The following CDC23 variants were observed in gnomAD, a reference collection of about 807,000 sequenced individuals.
CDC23 encodes the protein cell division cycle protein 23 homolog.
A neutral mutation model predicts 81.7 loss-of-function variants in CDC23; 26 were observed. The ratio of observed to expected loss-of-function variants is 0.32; its 90% confidence interval spans 0.23 to 0.44. The LOEUF (loss-of-function observed/expected upper bound fraction) is 0.44, where lower values mean the gene tolerates loss of function less well. Among genes scored for constraint, CDC23 ranks in the 20% least tolerant of loss-of-function variants. The probability of loss-of-function intolerance (pLI) is 1.00; values close to 1 mark genes in which losing one functional copy is unlikely to be tolerated. For synonymous variants in CDC23, 267 were observed against 270.8 expected (o/e 0.99, Z 0.14); for missense variants, 519 against 728.0 (o/e 0.71, Z 3.30).
chr5:138,202,272 G>A, intron 3 of CDC23, 117 bp from the exon 4 acceptor site: 1 of 672,540 alleles, frequency 1.5e-6, no homozygotes, highest in Middle Eastern at 4.0e-4. Context: ...ATCGACTTTT[G>A]GTCATTATTT....
At chr5:138,206,348 T>C in intron 3 of CDC23, 199 bp downstream of exon 3, 1 of 619,018 alleles carries the variant, frequency 1.6e-6, no homozygotes, top group Non-Finnish European at 2.9e-6. Context: ...ACTTATCCTG[T>C]TAGTCATTCC....
At chr5:138,193,959 C>CA (rs79351836) in intron 9 of CDC23, among the ~76,000 whole-genome samples, 2,774 of 120,434 alleles carry the variant, frequency 0.023, 64 homozygotes, top group African/African-American at 0.066. Flanking sequence ...ACTCCGTCTC[C>CA]AAAAAAAAAA....
At chr5:138,197,243 T>C (rs2967783) in intron 9 of CDC23, among the ~76,000 whole-genome samples, 3,424 of 147,544 alleles carry the variant, frequency 0.023, 78 homozygotes, top group Middle Eastern at 0.038. Flanking sequence ...GAGGCAGAGC[T>C]TTCAGTGAGC....
At chr5:138,194,883 G>A (rs561693963) in intron 9 of CDC23, among the ~76,000 whole-genome samples, 17 of 151,410 alleles carry the variant, frequency 1.1e-4, no homozygotes, top group South Asian at 8.3e-4. Context: ...CACCATGCCC[G>A]GCTAATTTTC....
intron 9 of CDC23, among the ~76,000 whole-genome samples, chr5:138,193,424 T>C (rs1213877587): frequency 6.6e-6 from 1 of 151,272 alleles, no homozygotes; most frequent in African/African-American, 2.4e-5. Flanking sequence ...GGCAAAACCC[T>C]GTCTCTACTA....
intron 6 of CDC23, chr5:138,200,842 C>T: frequency 2.5e-6 from 1 of 399,342 alleles, no homozygotes; most frequent in South Asian, 4.0e-5. Flanking sequence ...AAACAAGTCA[C>T]AATAGAACTG....
intron 9 of CDC23, among the ~76,000 whole-genome samples, chr5:138,194,732 T>C (rs1754864495): frequency 6.7e-6 from 1 of 150,188 alleles, no homozygotes; most frequent in Non-Finnish European, 1.5e-5. Context: ...TTTTTTTTTT[T>C]TTTTTTGAGA....
chr5:138,194,397 G>A (rs1754860266), intron 9 of CDC23, among the ~76,000 whole-genome samples: 1 of 152,120 alleles, frequency 6.6e-6, no homozygotes, highest in Non-Finnish European at 1.5e-5. Flanking sequence ...ACTCCAGCCT[G>A]GTGACAGAGA....
rs1213207068 is a variant in CDC23 at position 138,189,744 on chromosome 5, T to C, written c.1512A>G (p.Val504=). The change falls in exon 15 of 16, where the codon GTA becomes GTG. Residue 504 remains valine, a synonymous_variant. Transcript: ENST00000394886. ...IQDIYSCGEI[V]EHLEESTAFR... ...AGGCAGTGCTTTCCTCCAAGTGTTC[T>C]ACTATTTCCTAGAAAGGGAAAGCAA... is the stretch of plus-strand genomic sequence containing the variant. 6.2e-7 allele frequency: 1 copy of C among 1,613,590 alleles called. No individual in the cohort carries two copies. The highest frequency in any genetic ancestry group is 1.3e-5 in the African/African-American group (1 of 74,938).
At chr5:138,191,683 C>T in intron 12 of CDC23, 148 bp from the exon 13 acceptor site, 1 of 934,488 alleles carries the variant, frequency 1.1e-6, no homozygotes, top group South Asian at 1.4e-5. Flanking sequence ...CTAGGCTACA[C>T]ACTGACATTC....
In CDC23 at chr5:138,195,821, A is replaced by T. The variant is rs911314818; in HGVS notation, c.1012+2378T>A. Among the ~76,000 whole-genome samples the T allele has an allele frequency of 6.0e-3, 777 of 128,850 alleles. 2 individuals carry two copies. The highest frequency in any genetic ancestry group is 9.3e-3 in the Non-Finnish European group (585 of 63,176). 84.5% of individuals were successfully genotyped at this position (128,850 alleles called of 152,430 possible). On this transcript the variant is annotated intron_variant, in intron 9 of 15. Transcript: ENST00000394886. ...TATGTGTATATATATACATATATAT[A>T]ATATATATTATATACATATATATAT...
rs1428244941 is a variant in CDC23, at chr5:138,213,196, A to G, written c.117T>C (p.Ile39=). Residue 39 remains isoleucine (I), a synonymous_variant, in exon 1 of 16, where the codon ATT becomes ATC. Transcript: ENST00000394886. ...LREIKKQLLL[I]AGLTRERGLL... ...GGCCCCGCTCCCGGGTAAGGCCCGC[A>G]ATAAGCAGCAGTTGCTTTTTAATTT... The G allele has an allele frequency of 2.5e-6, 4 of 1,614,064 alleles. No homozygotes were observed. The highest frequency in any genetic ancestry group is 2.7e-5 in the African/African-American group (2 of 74,920).
At chr5:138,209,600 G>T (rs1335740942) in intron 2 of CDC23, among the ~76,000 whole-genome samples, 1 of 151,968 alleles carries the variant, frequency 6.6e-6, no homozygotes, top group Non-Finnish European at 1.5e-5. Context: ...TGAGGTGGGT[G>T]GATCACCTAA....
intron 12 of CDC23, 115 bp downstream of exon 12, chr5:138,191,747 C>A: frequency 1.0e-6 from 1 of 991,356 alleles, no homozygotes; most frequent in South Asian, 1.4e-5. Flanking sequence ...TATAAATATT[C>A]AGACTTTCCT....
intron 11 of CDC23, 50 bp downstream of exon 11, chr5:138,192,219 A>G: frequency 1.2e-6 from 2 of 1,603,766 alleles, no homozygotes; most frequent in Non-Finnish European, 1.7e-6. Flanking sequence ...AGGAAAAAAA[A>G]GTTATTAGCC....
chr5:138,189,042 A>G lies in CDC23; in HGVS notation c.1730T>C (p.Leu577Pro). Residue 577 changes from leucine to proline, a missense_variant, in exon 16 of 16, where the codon CTC (leucine) becomes CCC (proline). Coordinates refer to ENST00000394886, the MANE Select transcript of CDC23 (RefSeq NM_004661.4). Reference sequence around the variant, plus strand: ...GCGTGTGGGGGTATTGTTAGCAGAGAGTGAAGCAGGTAGGAAAAAGGGAGC... The same window carrying G: ...GCGTGTGGGGGTATTGTTAGCAGAGGGTGAAGCAGGTAGGAAAAAGGGAGC... ...VPAPFFLPAS[L>P]SANNTPTRRV... 2 of 1,614,112 alleles carry G rather than the reference A, an allele frequency of 1.2e-6. No individual in the cohort carries two copies. Among genetic ancestry groups the G allele is most frequent in the East Asian group, 2.2e-5 (1 of 44,880 alleles).
chr5:138,201,239 C>T lies in CDC23; in HGVS notation c.522G>A (p.Leu174=). 6.2e-7 allele frequency: 1 copy of T among 1,613,502 alleles called. No homozygotes were observed. Among genetic ancestry groups the T allele is most frequent in the Non-Finnish European group, 8.5e-7 (1 of 1,179,880 alleles). ...CCAGTTTTCGAAGCACCACACCATACCTGGGAAAAAAAAGAAACAATCACA... is the reference window on the plus strand; with the variant it reads ...CCAGTTTTCGAAGCACCACACCATATCTGGGAAAAAAAAGAAACAATCACA... The part of the protein sequence containing the change: ...ARELDGFGLY[L]YGVVLRKLDL... Residue 174 remains leucine, a splice_region_variant and synonymous_variant, in exon 6 of 16, where the codon CTG becomes CTA. Coordinates refer to ENST00000394886, the MANE Select transcript of CDC23 (RefSeq NM_004661.4).
chr5:138,205,860 C>CA (rs562488306), intron 3 of CDC23: 3 of 152,124 alleles, frequency 2.0e-5, no homozygotes, highest in Non-Finnish European at 4.4e-5. Context: ...CAATGACACT[C>CA]AAAGCACCAA....
intron 9 of CDC23, among the ~76,000 whole-genome samples, chr5:138,193,889 C>T (rs1390513504): frequency 1.3e-5 from 2 of 150,976 alleles, no homozygotes; most frequent in Non-Finnish European, 2.9e-5. Flanking sequence ...ACCCAGGAGG[C>T]AGAGGTTGCG....
Sources: allele counts gnomAD v4.1 joint callset (sites outside exome capture counted in the v4.1 genomes callset), GRCh38; gene constraint gnomAD v4.1.1; transcripts MANE v1.5; gene names NCBI Gene and HGNC (gene_info 2026-07-23, HGNC 2026-07-21).